NTM: variants seen among roughly 807,000 people sequenced by gnomAD.
The protein encoded by NTM is IgLON family member 2.
Under a neutral mutation model 42.1 loss-of-function variants are expected in NTM, and 13 were observed. The ratio of observed to expected loss-of-function variants is 0.31; its 90% CI spans 0.20 to 0.49. NTM has a LOEUF of 0.49. NTM is among the 20% of genes least tolerant of loss of function. The probability of loss-of-function intolerance (pLI) is 0.99; values close to 1 mark genes in which losing one functional copy is unlikely to be tolerated. For synonymous variants in NTM, 187 were observed against 179.2 expected (o/e 1.04, Z -0.35); for missense variants, 373 against 452.8 (o/e 0.82, Z 1.60).
intron 1 of NTM, among the ~76,000 whole-genome samples, chr11:131,632,331 A>G (rs1467390505): frequency 6.6e-6 from 1 of 152,082 alleles, no homozygotes; most frequent in East Asian, 1.9e-4. Flanking sequence ...CCCGTCTTTT[A>G]TTACTGGCTT....
chr11:131,857,075 A>G (rs1745828680), intron 1 of NTM, among the ~76,000 whole-genome samples: 1 of 152,128 alleles, frequency 6.6e-6, no homozygotes, highest in East Asian at 1.9e-4. Flanking sequence ...TTAATCCAGC[A>G]TTTTCCAAAT....
chr11:132,241,155 C>T (rs895903560), intron 4 of NTM, among the ~76,000 whole-genome samples: 1 of 152,114 alleles, frequency 6.6e-6, no homozygotes, highest in Non-Finnish European at 1.5e-5. Context: ...ACAGATATTC[C>T]AGTATTTCAA....
At chr11:132,077,148 C>T (rs2058468744) in intron 2 of NTM, among the ~76,000 whole-genome samples, 1 of 152,194 alleles carries the variant, frequency 6.6e-6, no homozygotes, top group African/African-American at 2.4e-5. Flanking sequence ...GTTGGTGACA[C>T]ATGCGAAGGC....
rs573627047 is a variant in NTM at position 131,586,202 on chromosome 11, C to T, written c.82+215314C>T. Among the ~76,000 whole-genome samples, 29 of 152,220 alleles carry T rather than the reference C, an allele frequency of 1.9e-4. 1 individual carries two copies. Among genetic ancestry groups the T allele is most frequent in the African/African-American group, 6.7e-4 (28 of 41,516 alleles). The stretch of plus-strand genomic sequence containing the variant: ...TTCATTGAAGCCTCAACCTCCCAGG[C>T]TCAAGCAATCCTCCCATCTCAGCCT... On this transcript the variant is annotated intron_variant, in intron 1 of 8. Transcript: ENST00000683400.
At chr11:132,183,677 T>C (rs2077946487) in intron 3 of NTM, among the ~76,000 whole-genome samples, 1 of 152,174 alleles carries the variant, frequency 6.6e-6, no homozygotes. Flanking sequence ...TCTCTAGGTC[T>C]ACCTGGTCAT....
chr11:131,714,170 C>G (rs1328835062), intron 1 of NTM, among the ~76,000 whole-genome samples: 1 of 152,026 alleles, frequency 6.6e-6, no homozygotes, highest in Non-Finnish European at 1.5e-5. Context: ...CTGCTGATCA[C>G]CAGCTTCAGA....
At chr11:132,012,885 C>A (rs2072543029) in intron 2 of NTM, among the ~76,000 whole-genome samples, 1 of 152,028 alleles carries the variant, frequency 6.6e-6, no homozygotes, top group South Asian at 2.1e-4. Flanking sequence ...TGCTGAGTAG[C>A]CTCAGGTTTC....
Position 132,307,679 on chromosome 11 carries a change from T to G in NTM, c.527-10T>G. ...TTGTATTTCACCACACGTTACCGGT[T>G]TTCCCGCAGCGGTTGGCTTTGTGAG... On this transcript the variant is annotated splice_polypyrimidine_tract_variant and intron_variant, in intron 4 of 8. Coordinates refer to ENST00000683400, the MANE Select transcript of NTM (RefSeq NM_001352005.2). The G allele has an allele frequency of 1.2e-6, 2 of 1,614,008 alleles. No homozygotes were observed. Among genetic ancestry groups the G allele is most frequent in the Non-Finnish European group, 1.7e-6 (2 of 1,179,932 alleles).
chr11:131,900,131 A>G lies in NTM; in HGVS notation c.83-11433A>G, dbSNP rs984114677. On this transcript the variant is annotated intron_variant, in intron 1 of 8. Transcript: ENST00000683400. ...AGTGGACTAGCACAGTGAGGCCTTC[A>G]TGAGCCAGTCAGAACCGAGAAGGGT... Among the ~76,000 whole-genome samples the G allele has an allele frequency of 9.2e-5, 14 of 152,378 alleles. No homozygotes were observed. In the East Asian group the frequency reaches 2.1e-3, roughly 23 times the overall value.
intron 2 of NTM, among the ~76,000 whole-genome samples, chr11:132,023,508 G>A (rs1237729047): frequency 2.0e-5 from 3 of 152,128 alleles, no homozygotes; most frequent in Admixed American, 2.0e-4. Context: ...GGCTAGGGTG[G>A]GCAGCCAGAG....
intron 1 of NTM, among the ~76,000 whole-genome samples, chr11:131,784,814 T>A (rs2136041899): frequency 6.6e-6 from 1 of 152,326 alleles, no homozygotes; most frequent in African/African-American, 2.4e-5. Context: ...TCTAAATCTA[T>A]CTTTTTAGCT....
rs1166529375 is a variant in NTM at position 131,766,796 on chromosome 11, G to A, written c.83-144768G>A. Among the ~76,000 whole-genome samples the A allele has an allele frequency of 2.0e-5, 3 of 152,068 alleles. No individual in the cohort carries two copies. In the East Asian group the frequency reaches 5.8e-4, roughly 29 times the overall value. ...CACTGACGATTTTCCTTTTCAATCAGATTCTCTTCATTCTTACACATCCCA... is the reference window on the plus strand; with the variant it reads ...CACTGACGATTTTCCTTTTCAATCAAATTCTCTTCATTCTTACACATCCCA... On this transcript the variant is annotated intron_variant, in intron 1 of 8. Transcript: ENST00000683400.
intron 1 of NTM, among the ~76,000 whole-genome samples, chr11:131,900,976 A>G (rs1044027367): frequency 6.6e-6 from 1 of 152,212 alleles, no homozygotes; most frequent in Non-Finnish European, 1.5e-5. Context: ...TCATGCTCCA[A>G]TATGTGTTGT....
At chr11:131,938,984 A>G (rs1030951630) in intron 2 of NTM, among the ~76,000 whole-genome samples, 30 of 152,342 alleles carry the variant, frequency 2.0e-4, no homozygotes, top group African/African-American at 7.0e-4. Flanking sequence ...TTTGTTTAGC[A>G]TCAAGAAGAG....
intron 1 of NTM, among the ~76,000 whole-genome samples, chr11:131,522,337 A>G (rs1278811266): frequency 8.1e-6 from 1 of 123,758 alleles, no homozygotes; most frequent in African/African-American, 3.2e-5. Context: ...CATTGCTAAC[A>G]GTATTTGCAG....
At chr11:131,729,121 A>G (rs1210209737) in intron 1 of NTM, among the ~76,000 whole-genome samples, 1 of 152,234 alleles carries the variant, frequency 6.6e-6, no homozygotes, top group Admixed American at 6.5e-5. Context: ...ACCTTGGGCA[A>G]CTTATATAAC....
At chr11:131,415,547 G>A (rs1565478821) in intron 1 of NTM, among the ~76,000 whole-genome samples, 1 of 152,160 alleles carries the variant, frequency 6.6e-6, no homozygotes. Flanking sequence ...CTAGTAAAGA[G>A]TAGAACAGAA....
In NTM at chr11:132,237,520, G is replaced by A. The variant is rs148359308; in HGVS notation, c.526+25373G>A. The stretch of plus-strand genomic sequence containing the variant: ...CAAATGGCGGAAAGTGAAAGAAGCC[G>A]GTCCCGTGAAGAGGTCTACGTTTTC... On this transcript the variant is annotated intron_variant, in intron 4 of 8. Coordinates refer to ENST00000683400, the MANE Select transcript of NTM (RefSeq NM_001352005.2). Among the ~76,000 whole-genome samples the A allele has an allele frequency of 9.1e-4, 139 of 152,256 alleles. 2 individuals carry two copies. The highest frequency in any genetic ancestry group is 1.6e-3 in the African/African-American group (68 of 41,556).
At chr11:132,274,025 A>G (rs2093613581) in intron 4 of NTM, among the ~76,000 whole-genome samples, 1 of 152,214 alleles carries the variant, frequency 6.6e-6, no homozygotes, top group African/African-American at 2.4e-5. Flanking sequence ...GTATACAATT[A>G]TTCATAACAT....
Sources: gnomAD v4.1 joint callset for allele counts (sites outside exome capture counted in the v4.1 genomes callset) on GRCh38, gnomAD v4.1.1 for gene constraint, MANE v1.5 for transcripts, NCBI Gene and HGNC (gene_info 2026-07-23, HGNC 2026-07-21) for gene names.